The following PADI1 variants were observed in gnomAD, a reference collection of about 807,000 sequenced individuals.
The protein encoded by PADI1 is protein-arginine deiminase type-1.
In PADI1, 65 loss-of-function variants were observed where a neutral mutation model predicts 74.8. The observed-to-expected ratio is 0.87, with a 90% CI of 0.71 to 1.07. The LOEUF is 1.07. PADI1 is among the 50% of genes least tolerant of loss of function. PADI1 has a pLI of 0.00. For synonymous variants in PADI1, 371 were observed against 336.2 expected (o/e 1.10, Z -1.13); for missense variants, 943 against 854.0 (o/e 1.10, Z -1.30).
At chr1:17,234,428 T>A (rs2072578859) in intron 11 of PADI1, among the ~76,000 whole-genome samples, 1 of 152,198 alleles carries the variant, frequency 6.6e-6, no homozygotes, top group South Asian at 2.1e-4. Context: ...CTTAGGTATT[T>A]TTCATTTGGC....
chr1:17,240,290 C>CG (rs2072747336), intron 14 of PADI1: 1 of 246,628 alleles, frequency 4.1e-6, no homozygotes, highest in African/African-American at 2.2e-5. Flanking sequence ...TACCCCTTCC[C>CG]GGTAGTGCCC....
In PADI1 at chr1:17,241,349, T is replaced by C. The variant is rs577211008; in HGVS notation, c.1758+589T>C. 3.9e-5 allele frequency among the ~76,000 whole-genome samples: 6 copies of C among 152,360 alleles called. No homozygotes were observed. The South Asian group carries it at 1.0e-3, about 26-fold the overall frequency. On this transcript the variant is annotated intron_variant, in intron 15 of 15. Transcript: ENST00000375471. ...CCCATTAACCTCTTGGGAAAGGATG[T>C]TGGGGTGTTGGCAGCTGGCAGGGAT...
intron 6 of PADI1, among the ~76,000 whole-genome samples, chr1:17,226,628 A>G (rs2072320372): frequency 6.6e-6 from 1 of 152,200 alleles, no homozygotes; most frequent in African/African-American, 2.4e-5. Flanking sequence ...TGTGGCTTAA[A>G]AAAATATGGC....
chr1:17,233,877 C>T (rs2072566717), intron 11 of PADI1, among the ~76,000 whole-genome samples: 1 of 152,214 alleles, frequency 6.6e-6, no homozygotes, highest in Non-Finnish European at 1.5e-5. Flanking sequence ...TGGCACCTAC[C>T]CAGGCACGTA....
rs1384741261 is a variant in PADI1 at position 17,245,600 on chromosome 1, T to G, written c.*1357T>G. 1.3e-5 allele frequency: 2 copies of G among 152,232 alleles called. No homozygotes were observed. The highest frequency in any genetic ancestry group is 2.9e-5 in the Non-Finnish European group (2 of 68,034). The allele number at this position is 152,232 out of a possible 1,614,324, so 9.4% of individuals were successfully genotyped here. ...ACTGAGCCAACTACTGTCACTGTTTTAACCAACAAAAGCTAGCCTGGAACT... is the reference window on the plus strand; with the variant it reads ...ACTGAGCCAACTACTGTCACTGTTTGAACCAACAAAAGCTAGCCTGGAACT... On this transcript the variant is annotated 3_prime_UTR_variant, in exon 16 of 16. Coordinates refer to ENST00000375471, the MANE Select transcript of PADI1 (RefSeq NM_013358.3). This position sits in a 1 kb window ranked among gnomAD's most constrained non-coding sequence, Gnocchi z 4.1.
chr1:17,205,640 C>T (rs2071663090), intron 1 of PADI1, among the ~76,000 whole-genome samples: 1 of 152,110 alleles, frequency 6.6e-6, no homozygotes, highest in Non-Finnish European at 1.5e-5. Context: ...TTGTGTGGAA[C>T]ATCAGATGGC....
chr1:17,207,057 C>G (rs2071704544), intron 1 of PADI1, among the ~76,000 whole-genome samples: 1 of 152,074 alleles, frequency 6.6e-6, no homozygotes, highest in Admixed American at 6.5e-5. Flanking sequence ...GGAAAAGGGT[C>G]CCTTGCAGGC....
intron 1 of PADI1, among the ~76,000 whole-genome samples, chr1:17,207,276 A>T (rs1439090336): frequency 6.6e-6 from 1 of 151,992 alleles, no homozygotes; most frequent in Admixed American, 6.5e-5. Flanking sequence ...TCCTCATCTG[A>T]GCCCCCATGA....
chr1:17,242,867 T>C (rs2072804945), intron 15 of PADI1, among the ~76,000 whole-genome samples: 1 of 152,186 alleles, frequency 6.6e-6, no homozygotes, highest in Non-Finnish European at 1.5e-5. Context: ...CTCCTCTTTC[T>C]GCCCTTTGCC....
intron 12 of PADI1, 106 bp from the exon 13 acceptor site, chr1:17,238,510 A>T: frequency 2.2e-6 from 1 of 463,260 alleles, no homozygotes; most frequent in South Asian, 6.6e-5. Context: ...CGAGTGGGAG[A>T]GGGGAGTCCC....
Position 17,206,798 on chromosome 1 carries a change from C to T in PADI1, c.92+1489C>T, listed in dbSNP as rs1482922603. ...ACCTCCCGGGTTCAATTCTCTGCCG[C>T]AGCCTCCAGAGTAGCTGGGATAACA... On this transcript the variant is annotated intron_variant, in intron 1 of 15. Coordinates refer to ENST00000375471, the MANE Select transcript of PADI1 (RefSeq NM_013358.3). 2.0e-5 allele frequency among the ~76,000 whole-genome samples: 3 copies of T among 151,222 alleles called. No individual in the cohort carries two copies. The East Asian group carries it at 5.8e-4, about 29-fold the overall frequency.
chr1:17,223,827 G>C (rs1011054485), intron 3 of PADI1, 134 bp downstream of exon 3: 9 of 715,032 alleles, frequency 1.3e-5, no homozygotes, highest in Non-Finnish European at 2.2e-5. Flanking sequence ...TGGATTCCTC[G>C]GGACCTTCTG....
intron 2 of PADI1, among the ~76,000 whole-genome samples, chr1:17,223,269 G>A (rs2072210579): frequency 6.6e-6 from 1 of 152,158 alleles, no homozygotes; most frequent in Non-Finnish European, 1.5e-5. Context: ...ACTACCCGAG[G>A]CTTAGAGGAG....
At chr1:17,234,568 T>C (rs1272124839) in intron 11 of PADI1, among the ~76,000 whole-genome samples, 1 of 152,222 alleles carries the variant, frequency 6.6e-6, no homozygotes. Flanking sequence ...ACAACAACCC[T>C]GTGAGACTGA....
chr1:17,233,435 G>A (rs900932362), intron 11 of PADI1, among the ~76,000 whole-genome samples: 1 of 152,230 alleles, frequency 6.6e-6, no homozygotes, highest in Non-Finnish European at 1.5e-5. Flanking sequence ...GCAGGTGGCT[G>A]CAGGTAAGCA....
At chr1:17,221,453 A>G in intron 1 of PADI1, among the ~76,000 whole-genome samples, 1 of 135,840 alleles carries the variant, frequency 7.4e-6, no homozygotes, top group African/African-American at 2.8e-5. Context: ...TGGGTGAGAG[A>G]GTGAGACTCT....
intron 1 of PADI1, among the ~76,000 whole-genome samples, chr1:17,218,568 A>G (rs1237095370): frequency 6.6e-6 from 1 of 152,218 alleles, no homozygotes; most frequent in Non-Finnish European, 1.5e-5. Context: ...AATGAGGGGA[A>G]GAAGAGAAAA....
At chr1:17,219,598 A>G (rs757357111) in intron 1 of PADI1, among the ~76,000 whole-genome samples, 3 of 152,102 alleles carry the variant, frequency 2.0e-5, no homozygotes, top group Non-Finnish European at 2.9e-5. Context: ...ATTGAAGTAT[A>G]AACTGGTGAC....
In PADI1 at chr1:17,228,771, C is replaced by A. The variant is rs1038542521; in HGVS notation, c.799C>A (p.Leu267Ile). The change falls in exon 7 of 16, where the codon CTC becomes ATC. Residue 267 changes from leucine (L) to isoleucine (I), a missense_variant. Coordinates refer to ENST00000375471, the MANE Select transcript of PADI1 (RefSeq NM_013358.3). ...TGCCGATTTCCTAGGGCTGGTTTCC[C>A]TCAGTGTCAGCCTGGTGGACCCGGG... ...PDADFLGLVS[L>I]SVSLVDPGTL... The A allele has an allele frequency of 1.9e-6, 3 of 1,614,148 alleles. No individual in the cohort carries two copies. Among genetic ancestry groups the A allele is most frequent in the African/African-American group, 1.3e-5 (1 of 75,036 alleles).
Sources: gnomAD v4.1 joint callset for allele counts (sites outside exome capture counted in the v4.1 genomes callset) on GRCh38, gnomAD v4.1.1 for gene constraint, Gnocchi (gnomAD v3.1) non-coding constraint, MANE v1.5 for transcripts, NCBI Gene and HGNC (gene_info 2026-07-23, HGNC 2026-07-21) for gene names.